DSG2: variants seen among roughly 807,000 people sequenced by gnomAD.
DSG2 encodes the protein desmoglein 2, also known as desmoglein-2.
DSG2 carries 45 observed loss-of-function variants against 75.6 expected under a neutral mutation model. The ratio of observed to expected loss-of-function variants is 0.60; its 90% CI spans 0.47 to 0.76. The LOEUF (loss-of-function observed/expected upper bound fraction) is 0.76, where lower values mean the gene tolerates loss of function less well. DSG2 is among the 30% of genes least tolerant of loss of function. The probability of loss-of-function intolerance (pLI) is 0.00; values close to 1 mark genes in which losing one functional copy is unlikely to be tolerated. For missense variants in DSG2, 1,267 were observed against 1,357.4 expected (o/e 0.93, Z 1.05); for synonymous variants, 429 against 483.9 (o/e 0.89, Z 1.49).
chr18:31,536,256 A>G lies in DSG2; in HGVS notation c.1478A>G (p.Asn493Ser), dbSNP rs375679311. 62 of 1,614,094 alleles carry G rather than the reference A, an allele frequency of 3.8e-5. No individual in the cohort carries two copies. Among genetic ancestry groups the G allele is most frequent in the African/African-American group, 3.6e-4 (27 of 74,944 alleles). ...GTVLINVEDI[N>S]DNCPTLIEPV... ...GTCCTTATCAATGTTGAAGACATCAACGACAACTGTCCCACACTGATAGAG... is the reference window on the plus strand; with the variant it reads ...GTCCTTATCAATGTTGAAGACATCAGCGACAACTGTCCCACACTGATAGAG... The change falls in exon 11 of 15, where the codon AAC becomes AGC. Residue 493 changes from asparagine (N) to serine (S), a missense_variant. Coordinates refer to ENST00000261590, the MANE Select transcript of DSG2 (RefSeq NM_001943.5).
At chr18:31,513,500 T>C (rs891933124) in intron 1 of DSG2, among the ~76,000 whole-genome samples, 1 of 152,264 alleles carries the variant, frequency 6.6e-6, no homozygotes, top group South Asian at 2.1e-4. Context: ...TGCTTTGTCA[T>C]GCCAGTCATT....
At chr18:31,504,474 C>T (rs2073029035) in intron 1 of DSG2, among the ~76,000 whole-genome samples, 2 of 152,188 alleles carry the variant, frequency 1.3e-5, no homozygotes, top group African/African-American at 2.4e-5. Context: ...CCTTCCTTTG[C>T]TTTCTCAGTA....
At chr18:31,520,152 T>G (rs765733555) in intron 3 of DSG2, among the ~76,000 whole-genome samples, 22 of 152,200 alleles carry the variant, frequency 1.4e-4, no homozygotes, top group Non-Finnish European at 2.9e-4. Context: ...GCAGCATCAT[T>G]GGCAAAAATA....
intron 9 of DSG2, among the ~76,000 whole-genome samples, chr18:31,532,927 G>A (rs1406403134): frequency 2.0e-5 from 3 of 151,818 alleles, no homozygotes; most frequent in Non-Finnish European, 4.4e-5. Flanking sequence ...TTGTTTGTTT[G>A]TTTGTTTGTT....
At chr18:31,544,293 A>G (rs988424291) in intron 14 of DSG2, among the ~76,000 whole-genome samples, 19 of 152,200 alleles carry the variant, frequency 1.2e-4, no homozygotes, top group Non-Finnish European at 2.5e-4. Flanking sequence ...CAGTCATACA[A>G]TGTACTTTGA....
In DSG2 at chr18:31,538,890, C is replaced by T. The variant is rs768167385; in HGVS notation, c.1791C>T (p.Ser597=). The change falls in exon 12 of 15, where the codon AGC becomes AGT. Residue 597 remains serine, a synonymous_variant. Transcript: ENST00000261590. Reference sequence around the variant, plus strand: ...CAGTTTGTGAGTGTCTGCATGGCAGCGGCTGCAGGGAAGCACAGCATGACT... The same window carrying T: ...CAGTTTGTGAGTGTCTGCATGGCAGTGGCTGCAGGGAAGCACAGCATGACT... ...TLTVCECLHG[S]GCREAQHDSY... is the part of the protein sequence containing the mutation. 11 of 1,613,984 alleles carry T rather than the reference C, an allele frequency of 6.8e-6. No individual in the cohort carries two copies. The highest frequency in any genetic ancestry group is 1.3e-5 in the African/African-American group (1 of 74,902).
chr18:31,525,213 T>C (rs551292116), intron 8 of DSG2, among the ~76,000 whole-genome samples: 1 of 152,272 alleles, frequency 6.6e-6, no homozygotes, highest in South Asian at 2.1e-4. Context: ...CTCTACTGAG[T>C]ATCCCCTCAA....
chr18:31,504,567 A>AG lies in DSG2; in HGVS notation c.45+6278dup, dbSNP rs572811964. Among the ~76,000 whole-genome samples the AG allele has an allele frequency of 1.2e-4, 19 of 152,130 alleles. No individual in the cohort carries two copies. The South Asian group carries it at 3.7e-3, about 30-fold the overall frequency. On this transcript the variant is annotated intron_variant, in intron 1 of 14. Transcript: ENST00000261590. ...GCCTAGCACGATGGGCAGACGGCAG[A>AG]GGGGGGGACACAGTACATATATTAC... is the stretch of plus-strand genomic sequence containing the variant.
At chr18:31,539,068 C>A in intron 12 of DSG2, 90 bp downstream of exon 12, 1 of 1,292,908 alleles carries the variant, frequency 7.7e-7, no homozygotes, top group South Asian at 1.2e-5. Context: ...GATTTCTTCA[C>A]AGTTATTCTT....
chr18:31,536,299 T>G lies in DSG2; in HGVS notation c.1521T>G (p.Cys507Trp). 1 of 1,614,190 alleles carries G rather than the reference T, an allele frequency of 6.2e-7. No homozygotes were observed. Among genetic ancestry groups the G allele is most frequent in the East Asian group, 2.2e-5 (1 of 44,876 alleles). The stretch of plus-strand genomic sequence containing the variant: ...TGATAGAGCCTGTGCAGACAATCTG[T>G]CACGATGCAGAGTATGTGAATGTTA... The part of the protein sequence containing the change: ...PTLIEPVQTI[C>W]HDAEYVNVTA... The change falls in exon 11 of 15, where the codon TGT becomes TGG. Residue 507 changes from cysteine to tryptophan, a missense_variant. Coordinates refer to ENST00000261590, the MANE Select transcript of DSG2 (RefSeq NM_001943.5).
intron 1 of DSG2, among the ~76,000 whole-genome samples, chr18:31,511,826 G>A (rs1568102346): frequency 2.0e-5 from 3 of 152,134 alleles, no homozygotes; most frequent in Admixed American, 2.0e-4. Context: ...GTAACGAGGT[G>A]AAGAAACAGA....
chr18:31,544,305 G>T (rs969831767), intron 14 of DSG2, among the ~76,000 whole-genome samples: 1 of 150,070 alleles, frequency 6.7e-6, no homozygotes, highest in Non-Finnish European at 1.5e-5. Context: ...GTACTTTGAT[G>T]AAAAAAAAAT....
At chr18:31,502,268 T>C (rs59665004) in intron 1 of DSG2, among the ~76,000 whole-genome samples, 12,576 of 152,178 alleles carry the variant, frequency 0.083, 1,338 homozygotes, top group African/African-American at 0.25. Flanking sequence ...GCGGGCTCAC[T>C]ACAATATAAA....
rs763315024 is a variant in DSG2, at chr18:31,545,791, A to G, written c.2405A>G (p.Glu802Gly). ...AKDCLLVYSQ[E>G]ETESLNASIG... ...GATTGCCTTCTGGTTTATTCTCAGG[A>G]AGAAACTGAATCGCTGAATGCTTCT... The change falls in exon 15 of 15, where the codon GAA (glutamate) becomes GGA (glycine). Residue 802 changes from glutamate to glycine, a missense_variant. Coordinates refer to ENST00000261590, the MANE Select transcript of DSG2 (RefSeq NM_001943.5). 2.8e-5 allele frequency: 45 copies of G among 1,614,080 alleles called. No individual in the cohort carries two copies. The highest frequency in any genetic ancestry group is 3.7e-5 in the Non-Finnish European group (44 of 1,180,046).
intron 6 of DSG2, 74 bp downstream of exon 6, chr18:31,522,323 A>C: frequency 1.0e-5 from 15 of 1,441,510 alleles, no homozygotes; most frequent in Non-Finnish European, 1.4e-5. Flanking sequence ...TTTCTTTTCT[A>C]ATTTTCTTAT....
At chr18:31,502,525 G>A (rs1013192844) in intron 1 of DSG2, among the ~76,000 whole-genome samples, 13 of 152,310 alleles carry the variant, frequency 8.5e-5, no homozygotes, top group Admixed American at 2.6e-4. Flanking sequence ...CAAGGTGGGC[G>A]GATCACCTGA....
Position 31,548,731 on chromosome 18 carries a change from TAA to T in DSG2, c.*1990_*1991del, listed in dbSNP as rs1419876595. ...CCTCTTTTAGCATAATCACATTTTC[TAA>T]ATGATTTTCTTTGTTCCTGAAAAAG... is the stretch of plus-strand genomic sequence containing the variant. On this transcript the variant is annotated 3_prime_UTR_variant, in exon 15 of 15. Coordinates refer to ENST00000261590, the MANE Select transcript of DSG2 (RefSeq NM_001943.5). 2 of 152,250 alleles carry T rather than the reference TAA, an allele frequency of 1.3e-5. No homozygotes were observed. Among genetic ancestry groups the T allele is most frequent in the African/African-American group, 4.8e-5 (2 of 41,478 alleles). The allele number at this position is 152,250 out of a possible 1,614,324, so 9.4% of individuals were successfully genotyped here. A position where few individuals can be genotyped will look rare whatever the true frequency, so the allele number is the denominator to read the frequency against.
At chr18:31,529,079 T>G (rs1214606075) in intron 8 of DSG2, among the ~76,000 whole-genome samples, 1 of 152,182 alleles carries the variant, frequency 6.6e-6, no homozygotes, top group Non-Finnish European at 1.5e-5. Context: ...ATAGAGATAG[T>G]AAATAGTCAC....
At chr18:31,525,863 T>A (rs2073160010) in intron 8 of DSG2, among the ~76,000 whole-genome samples, 1 of 152,078 alleles carries the variant, frequency 6.6e-6, no homozygotes, top group Non-Finnish European at 1.5e-5. Context: ...ATGGGCCGGG[T>A]GTGGTGGCTC....
Sources: gnomAD v4.1 joint callset for allele counts (sites outside exome capture counted in the v4.1 genomes callset) on GRCh38, gnomAD v4.1.1 for gene constraint, MANE v1.5 for transcripts, NCBI Gene and HGNC (gene_info 2026-07-23, HGNC 2026-07-21) for gene names.